The following RBMS3 variants were observed in gnomAD, a reference collection of about 807,000 sequenced individuals.
RBMS3 encodes the protein RNA binding motif single stranded interacting protein 3.
A neutral mutation model predicts 66.8 loss-of-function variants in RBMS3; 27 were observed. That is an observed-to-expected ratio of 0.40 (90% CI 0.30 to 0.56). The LOEUF is 0.56. RBMS3 is among the 20% of genes least tolerant of loss of function. The probability of loss-of-function intolerance (pLI) is 0.40; values close to 1 mark genes in which losing one functional copy is unlikely to be tolerated. For synonymous variants in RBMS3, 188 were observed against 183.0 expected, an observed-to-expected ratio of 1.03 and a Z score of -0.22; for missense variants, 513 against 549.5, an observed-to-expected ratio of 0.93 and a Z score of 0.66.
chr3:29,285,132 A>G (rs1293028959), intron 1 of RBMS3, among the ~76,000 whole-genome samples: 1 of 150,490 alleles, frequency 6.6e-6, no homozygotes, highest in Non-Finnish European at 1.5e-5. Flanking sequence ...AACATTTTTT[A>G]AGTATTTTAT....
intron 1 of RBMS3, among the ~76,000 whole-genome samples, chr3:29,374,637 C>G (rs780627149): frequency 1.1e-4 from 17 of 152,146 alleles, no homozygotes; most frequent in Non-Finnish European, 1.8e-4. Flanking sequence ...TTAAGTTAGG[C>G]TAGGCTAAGC....
chr3:29,698,306 G>A, intron 4 of RBMS3: 2 of 985,408 alleles, frequency 2.0e-6, no homozygotes, highest in Non-Finnish European at 2.4e-6. Flanking sequence ...GAGGCAAACA[G>A]AGAATCAACA....
intron 2 of RBMS3, among the ~76,000 whole-genome samples, chr3:29,478,068 G>A (rs141574632): frequency 2.4e-4 from 37 of 152,168 alleles, no homozygotes; most frequent in African/African-American, 7.2e-4. Context: ...CACACCCAGC[G>A]CAAAGACAAT....
At chr3:29,981,350 A>G (rs1305927364) in intron 12 of RBMS3, among the ~76,000 whole-genome samples, 2 of 152,152 alleles carry the variant, frequency 1.3e-5, no homozygotes, top group Non-Finnish European at 2.9e-5. Context: ...GGGGTTTTCT[A>G]AATATACAAT....
chr3:29,286,997 A>G (rs1177198780), intron 1 of RBMS3, among the ~76,000 whole-genome samples: 3 of 152,136 alleles, frequency 2.0e-5, no homozygotes, highest in South Asian at 2.1e-4. Context: ...TAATATCAAA[A>G]GCATGTGAGA....
At chr3:29,360,074 C>T (rs2037476428) in intron 1 of RBMS3, among the ~76,000 whole-genome samples, 1 of 152,038 alleles carries the variant, frequency 6.6e-6, no homozygotes, top group African/African-American at 2.4e-5. Flanking sequence ...TTAGTTATTC[C>T]TTGCCTTCTG....
intron 4 of RBMS3, among the ~76,000 whole-genome samples, chr3:29,611,463 C>A (rs935351562): frequency 6.6e-6 from 1 of 151,764 alleles, no homozygotes; most frequent in African/African-American, 2.4e-5. Flanking sequence ...TATGAGTACA[C>A]CAAACAGACA....
At chr3:29,559,207 C>G (rs1296632043) in intron 3 of RBMS3, among the ~76,000 whole-genome samples, 2 of 151,704 alleles carry the variant, frequency 1.3e-5, no homozygotes, top group African/African-American at 4.8e-5. Flanking sequence ...AATAATTGTG[C>G]ATTAATTTTA....
At chr3:29,817,933 T>A (rs2057960327) in intron 6 of RBMS3, among the ~76,000 whole-genome samples, 1 of 152,184 alleles carries the variant, frequency 6.6e-6, no homozygotes, top group African/African-American at 2.4e-5. Flanking sequence ...TGTTCCATCG[T>A]TTATTGAAGA....
chr3:29,782,974 T>A (rs2056689581), intron 6 of RBMS3, among the ~76,000 whole-genome samples: 1 of 151,632 alleles, frequency 6.6e-6, no homozygotes, highest in East Asian at 1.9e-4. Flanking sequence ...ACCCAATCCA[T>A]CAAAGACAAA....
At chr3:29,661,193 C>A (rs888617559) in intron 4 of RBMS3, among the ~76,000 whole-genome samples, 2 of 152,196 alleles carry the variant, frequency 1.3e-5, no homozygotes, top group Non-Finnish European at 2.9e-5. Context: ...CTTCAACATA[C>A]TTCAGAGTTA....
chr3:29,664,932 G>T (rs1460689878), intron 4 of RBMS3, among the ~76,000 whole-genome samples: 1 of 151,888 alleles, frequency 6.6e-6, no homozygotes, highest in African/African-American at 2.4e-5. Context: ...AAAAGAAAGA[G>T]AAATTTCTTA....
rs1013603125 is a variant in RBMS3, at chr3:29,994,936, G to A, written c.1307+3727G>A. ...AAGCTGGATGGAGAATGACTTTGACGAGCTGAGAGAAGAAGGCTTCAGAAG... is the reference window on the plus strand; with the variant it reads ...AAGCTGGATGGAGAATGACTTTGACAAGCTGAGAGAAGAAGGCTTCAGAAG... On this transcript the variant is annotated intron_variant, in intron 14 of 14. Transcript: ENST00000383767. Among the ~76,000 whole-genome samples, 649 of 152,318 alleles carry A rather than the reference G, an allele frequency of 4.3e-3. 4 individuals carry two copies. Among genetic ancestry groups the A allele is most frequent in the African/African-American group, 0.015 (608 of 41,572 alleles).
At chr3:29,473,838 G>A (rs1456234699) in intron 2 of RBMS3, among the ~76,000 whole-genome samples, 1 of 152,248 alleles carries the variant, frequency 6.6e-6, no homozygotes, top group South Asian at 2.1e-4. Context: ...AAGTCCAGCT[G>A]TCCCGCAAGC....
At chr3:29,413,367 C>CTCAT (rs200907425) in intron 1 of RBMS3, among the ~76,000 whole-genome samples, 2 of 144,110 alleles carry the variant, frequency 1.4e-5, no homozygotes, top group East Asian at 2.0e-4. Flanking sequence ...GAAACTCCAT[C>CTCAT]TCATTCATAC....
chr3:29,933,816 G>A (rs2061193292), intron 10 of RBMS3: 1 of 151,966 alleles, frequency 6.6e-6, no homozygotes, highest in Admixed American at 6.6e-5. Context: ...TCAGGTTTCT[G>A]GTTTATACAC....
At chr3:29,630,365 G>A (rs145103430) in intron 4 of RBMS3, among the ~76,000 whole-genome samples, 2 of 152,092 alleles carry the variant, frequency 1.3e-5, no homozygotes, top group East Asian at 3.9e-4. Flanking sequence ...ATTCACAAGT[G>A]TTTTATTGTG....
intron 4 of RBMS3, among the ~76,000 whole-genome samples, chr3:29,596,617 T>C (rs2149109246): frequency 6.6e-6 from 1 of 152,364 alleles, no homozygotes; most frequent in Admixed American, 6.5e-5. Context: ...TCAAGTGGTC[T>C]TGAACCCAAG....
chr3:29,679,768 G>GTGTATATATATATATATA (rs2051409430), intron 4 of RBMS3, among the ~76,000 whole-genome samples: 1 of 145,380 alleles, frequency 6.9e-6, no homozygotes, highest in African/African-American at 2.6e-5. Flanking sequence ...CTACTTGACT[G>GTGTATATATATATATATA]TATATATATA....
Sources: gnomAD v4.1 joint callset for allele counts (sites outside exome capture counted in the v4.1 genomes callset) on GRCh38, gnomAD v4.1.1 for gene constraint, MANE v1.5 for transcripts, NCBI Gene and HGNC (gene_info 2026-07-23, HGNC 2026-07-21) for gene names.